SGSM1: variants seen among roughly 807,000 people sequenced by gnomAD.
SGSM1 encodes the protein small G protein signaling modulator 1, also known as RUN and TBC1 domain containing 2.
A neutral mutation model predicts 133.8 loss-of-function variants in SGSM1; 73 were observed. The ratio of observed to expected loss-of-function variants is 0.55; its 90% CI spans 0.45 to 0.66. SGSM1 has a LOEUF of 0.66. Among genes scored for constraint, SGSM1 ranks in the 30% least tolerant of loss-of-function variants. The pLI is 0.00. For missense variants in SGSM1, 1,213 were observed against 1,448.1 expected (o/e 0.84, Z 2.64); for synonymous variants, 563 against 573.0 (o/e 0.98, Z 0.25).
intron 2 of SGSM1, among the ~76,000 whole-genome samples, chr22:24,809,958 A>G (rs1927637013): frequency 6.6e-6 from 1 of 152,122 alleles, no homozygotes; most frequent in South Asian, 2.1e-4. Flanking sequence ...GGGTTGAGAG[A>G]CACTAAGAAA....
At chr22:24,875,276 T>G (rs2086053006) in intron 12 of SGSM1, among the ~76,000 whole-genome samples, 1 of 152,250 alleles carries the variant, frequency 6.6e-6, no homozygotes, top group African/African-American at 2.4e-5. Flanking sequence ...GTTTTTTCAA[T>G]TTTTAAATGA....
chr22:24,899,021 CAAAAAAAAAAAAAA>C (rs11284624), intron 19 of SGSM1, among the ~76,000 whole-genome samples: 4 of 62,432 alleles, frequency 6.4e-5, no homozygotes, highest in South Asian at 2.1e-3. Context: ...AGCAAGATCT[CAAAAAAAAAAAAAA>C]AAAAAAAAAA....
chr22:24,859,980 G>A, intron 9 of SGSM1, 140 bp downstream of exon 9: 1 of 1,234,244 alleles, frequency 8.1e-7, no homozygotes, highest in Non-Finnish European at 1.1e-6. Flanking sequence ...GGACCACTTG[G>A]CTCAGCCTCC....
intron 2 of SGSM1, among the ~76,000 whole-genome samples, chr22:24,822,088 C>CTTTTTTTTTTTTTTT (rs71320790): frequency 1.0e-5 from 1 of 96,178 alleles, no homozygotes; most frequent in Non-Finnish European, 2.0e-5. Context: ...TCATCTCTCT[C>CTTTTTTTTTTTTTTT]TTTTTTTTTT....
intron 22 of SGSM1, among the ~76,000 whole-genome samples, chr22:24,914,792 CA>C (rs1933764317): frequency 6.6e-6 from 1 of 152,224 alleles, no homozygotes; most frequent in South Asian, 2.1e-4. Context: ...CCCGGAAGTA[CA>C]GTCTTTTGTG....
chr22:24,905,788 CAAAA>C (rs539155528), intron 21 of SGSM1, among the ~76,000 whole-genome samples: 2 of 88,526 alleles, frequency 2.3e-5, no homozygotes, highest in Non-Finnish European at 2.5e-5. Flanking sequence ...GACTCTGTCT[CAAAA>C]AAAAAAAAAA....
chr22:24,815,867 G>A (rs1928039633), intron 2 of SGSM1, among the ~76,000 whole-genome samples: 1 of 152,178 alleles, frequency 6.6e-6, no homozygotes, highest in Non-Finnish European at 1.5e-5. Flanking sequence ...GATCTGGTAA[G>A]TTTCAGTTCC....
At chr22:24,882,965 T>C (rs1303980604) in intron 14 of SGSM1, among the ~76,000 whole-genome samples, 3 of 151,746 alleles carry the variant, frequency 2.0e-5, no homozygotes, top group African/African-American at 7.3e-5. Flanking sequence ...TGGCGCGATC[T>C]CAGCTCACTG....
intron 2 of SGSM1, among the ~76,000 whole-genome samples, chr22:24,814,543 G>A (rs1021362242): frequency 1.3e-5 from 2 of 151,976 alleles, no homozygotes; most frequent in Non-Finnish European, 2.9e-5. Flanking sequence ...GAGAGTGTGG[G>A]GTCAGGGAGA....
intron 9 of SGSM1, among the ~76,000 whole-genome samples, chr22:24,863,810 C>T (rs578169400): frequency 2.0e-5 from 3 of 150,122 alleles, no homozygotes; most frequent in East Asian, 2.0e-4. Flanking sequence ...GGCATGATCT[C>T]GGCTCACTGC....
chr22:24,898,680 C>G (rs1352399356), intron 19 of SGSM1, 121 bp downstream of exon 19: 1 of 981,264 alleles, frequency 1.0e-6, no homozygotes, highest in Non-Finnish European at 1.5e-6. Context: ...TGCATTTTTT[C>G]CGTCATGGAG....
intron 12 of SGSM1, among the ~76,000 whole-genome samples, chr22:24,873,015 G>A (rs963058922): frequency 2.0e-5 from 3 of 151,688 alleles, no homozygotes; most frequent in African/African-American, 4.8e-5. Context: ...CTGGAGTGCA[G>A]TGGTGCGATC....
chr22:24,820,053 C>G (rs1569132986), intron 2 of SGSM1, among the ~76,000 whole-genome samples: 1 of 151,928 alleles, frequency 6.6e-6, no homozygotes, highest in African/African-American at 2.4e-5. Flanking sequence ...TGGGCAGGCA[C>G]CCAGGAGGAG....
At chr22:24,844,566 G>T (rs758668187) in intron 2 of SGSM1, 46 of 233,774 alleles carry the variant, frequency 2.0e-4, no homozygotes, top group Non-Finnish European at 3.3e-4. Context: ...TGCCCTACAG[G>T]AACTAAAACA....
chr22:24,875,902 C>T (rs148221362), intron 12 of SGSM1, among the ~76,000 whole-genome samples: 1,760 of 152,246 alleles, frequency 0.012, 17 homozygotes, highest in African/African-American at 0.04. Flanking sequence ...CAGAGTCCAT[C>T]GAATATACCT....
chr22:24,852,928 T>G (rs1930567627), intron 5 of SGSM1, among the ~76,000 whole-genome samples: 1 of 152,186 alleles, frequency 6.6e-6, no homozygotes, highest in Non-Finnish European at 1.5e-5. Flanking sequence ...CCAGAGCATG[T>G]CAATTCTGGC....
chr22:24,815,296 G>T (rs531779316), intron 2 of SGSM1, among the ~76,000 whole-genome samples: 111 of 152,294 alleles, frequency 7.3e-4, no homozygotes, highest in Non-Finnish European at 1.0e-3. Flanking sequence ...CACACAGAAG[G>T]CCAATCACTG....
At chr22:24,867,759 C>T (rs1931536555) in intron 10 of SGSM1, among the ~76,000 whole-genome samples, 1 of 152,182 alleles carries the variant, frequency 6.6e-6, no homozygotes, top group Non-Finnish European at 1.5e-5. Context: ...CACCAAGGAA[C>T]AAAACACGGT....
chr22:24,896,342 A>G (rs1033326933), intron 18 of SGSM1, among the ~76,000 whole-genome samples: 1 of 152,188 alleles, frequency 6.6e-6, no homozygotes, highest in Non-Finnish European at 1.5e-5. Context: ...CAATTGAATC[A>G]AAAAGAAGTT....
Sources: gnomAD v4.1 joint callset for allele counts (sites outside exome capture counted in the v4.1 genomes callset) on GRCh38, gnomAD v4.1.1 for gene constraint, MANE v1.5 for transcripts, NCBI Gene and HGNC (gene_info 2026-07-23, HGNC 2026-07-21) for gene names.